Variants in CDRT15L2 observed in about 807,000 individuals in gnomAD.
CDRT15L2 encodes the protein CMT1A duplicated region transcript 15 protein-like protein.
Under a neutral mutation model 21.5 loss-of-function variants are expected in CDRT15L2, and 13 were observed. The observed-to-expected ratio is 0.60, with a 90% CI of 0.39 to 0.96. The LOEUF (loss-of-function observed/expected upper bound fraction) is 0.96. Among genes scored for constraint, CDRT15L2 ranks in the 40% least tolerant of loss-of-function variants. CDRT15L2 has a pLI of 0.00. For missense variants in CDRT15L2, 292 were observed against 354.8 expected, an observed-to-expected ratio of 0.82 and a Z score of 1.42; for synonymous variants, 121 against 144.9, an observed-to-expected ratio of 0.84 and a Z score of 1.18.
At position 20,580,389 on chromosome 17, in the gene CDRT15L2, C is replaced by T; in HGVS notation, c.506C>T (p.Ala169Val). ...GREGVTSTAP[A>V]SRSHAAPSPG... ...GAGGGGGTGACAAGCACAGCCCCAG[C>T]CAGCAGATCCCATGCTGCCCCTAGT... Residue 169 changes from alanine (A) to valine (V), a missense_variant, in exon 2 of 2, where the codon GCC becomes GTC. Physicochemically the swap from Ala to Val is moderately conservative, Grantham distance 64. Coordinates refer to ENST00000399044, the MANE Select transcript of CDRT15L2 (RefSeq NM_001190790.2). 6.6e-7 allele frequency: 1 copy of T among 1,514,848 alleles called. No homozygotes were observed. 93.8% of individuals were successfully genotyped at this position (1,514,848 alleles called of 1,614,324 possible).
At position 20,580,522 on chromosome 17, in the gene CDRT15L2, G is replaced by A. The variant is rs542420281; in HGVS notation, c.639G>A (p.Leu213=). The A allele has an allele frequency of 5.2e-5, 80 of 1,550,840 alleles. No homozygotes were observed. The African/African-American group carries it at 8.5e-4, about 16-fold the overall frequency. ...LLSFAGTTAL[L]LQGLFIVLIL... ...CATTCGCCGGAACCACAGCCCTGCT[G>A]CTGCAGGGCCTGTTTATTGTGCTAA... The change falls in exon 2 of 2, where the codon CTG becomes CTA. Residue 213 remains leucine (L), a synonymous_variant. Transcript: ENST00000399044.
At chr17:20,580,081 G>T (rs2142541682) in intron 1 of CDRT15L2, 68 bp from the exon 2 acceptor site, 2 of 1,477,098 alleles carry the variant, frequency 1.4e-6, no homozygotes, top group South Asian at 1.4e-5. Context: ...AATTCAGTGA[G>T]GTTGTCTCTG....
intron 1 of CDRT15L2, 31 bp downstream of exon 1, chr17:20,580,039 G>C: frequency 1.3e-6 from 2 of 1,505,458 alleles, no homozygotes; most frequent in Non-Finnish European, 1.8e-6. Flanking sequence ...AAGACTTTGC[G>C]GGGGCGGTGC....
Position 20,580,220 on chromosome 17 carries a change from C to G in CDRT15L2, c.337C>G (p.Pro113Ala), listed in dbSNP as rs2043284912. The G allele has an allele frequency of 2.7e-6, 4 of 1,471,074 alleles. No individual in the cohort carries two copies. Among genetic ancestry groups the G allele is most frequent in the Non-Finnish European group, 3.6e-6 (4 of 1,112,220 alleles). The allele number at this position is 1,471,074 out of a possible 1,614,324, so 91.1% of individuals were successfully genotyped here. ...CGAGCCAAAGCCAGCATGGGAAGAG[C>G]CCCCTCCAGAGAGAGCGCTGGAGGT... ...AVEPKPAWEE[P>A]PPERALEVEG... Residue 113 changes from proline to alanine, a missense_variant, in exon 2 of 2, where the codon CCC becomes GCC. Transcript: ENST00000399044.
At position 20,579,911 on chromosome 17, in the gene CDRT15L2, A is replaced by G. The variant is rs775751550; in HGVS notation, c.168A>G (p.Leu56=). The G allele has an allele frequency of 6.2e-7, 1 of 1,603,782 alleles. No individual in the cohort carries two copies. The change falls in exon 1 of 2, where the codon CTA becomes CTG. Residue 56 remains leucine, a synonymous_variant. Coordinates refer to ENST00000399044, the MANE Select transcript of CDRT15L2 (RefSeq NM_001190790.2). ...CACAGGACAGCCCGGGGCAGGCCCTAGCTGGCCAGGCCACACCAGAGATCC... is the reference window on the plus strand; with the variant it reads ...CACAGGACAGCCCGGGGCAGGCCCTGGCTGGCCAGGCCACACCAGAGATCC... ...QVPQDSPGQA[L]AGQATPEIPS... is the part of the protein sequence containing the mutation.
At position 20,580,130 on chromosome 17, in the gene CDRT15L2, A is replaced by G; in HGVS notation, c.266-19A>G. ...CAGTGGAAAGTGACTGATGCTGGTG[A>G]CCCTTTCTCCTTTTTCAGCTCCTGG... On this transcript the variant is annotated intron_variant, in intron 1 of 1. Coordinates refer to ENST00000399044, the MANE Select transcript of CDRT15L2 (RefSeq NM_001190790.2). 1 of 1,471,308 alleles carries G rather than the reference A, an allele frequency of 6.8e-7. No homozygotes were observed. Among genetic ancestry groups the G allele is most frequent in the Non-Finnish European group, 9.0e-7 (1 of 1,110,258 alleles). The allele number at this position is 1,471,308 out of a possible 1,614,324, so 91.1% of individuals were successfully genotyped here. A position where few individuals can be genotyped will look rare whatever the true frequency, so the allele number is the denominator to read the frequency against.
chr17:20,580,455 T>C lies in CDRT15L2; in HGVS notation c.572T>C (p.Ile191Thr). 1 of 1,550,092 alleles carries C rather than the reference T, an allele frequency of 6.5e-7. No homozygotes were observed. The highest frequency in any genetic ancestry group is 8.7e-7 in the Non-Finnish European group (1 of 1,146,720). Residue 191 changes from isoleucine (I) to threonine (T), a missense_variant, in exon 2 of 2, where the codon ATT becomes ACT. Physicochemically the swap from Ile to Thr is moderately conservative, Grantham distance 89. Transcript: ENST00000399044. ...AAACATGGAGGCGGAGACCAGGGCA[T>C]TCAGACTGGACTCCTGTACCTCGCT... ...GGKHGGGDQG[I>T]QTGLLYLAGE...
In CDRT15L2 at chr17:20,580,674, G is replaced by C. The variant is rs2043288482; in HGVS notation, c.791G>C (p.Cys264Ser). The C allele has an allele frequency of 6.4e-7, 1 of 1,560,410 alleles. No homozygotes were observed. Among genetic ancestry groups the C allele is most frequent in the African/African-American group, 1.4e-5 (1 of 73,822 alleles). Reference protein sequence around the residue: ...NLLLQAWKCVCNWASRLFAPN... With the variant: ...NLLLQAWKCVSNWASRLFAPN... ...CTCCTCCAGGCATGGAAGTGTGTCTGCAACTGGGCATCCAGGCTGTTTGCC... is the reference window on the plus strand; with the variant it reads ...CTCCTCCAGGCATGGAAGTGTGTCTCCAACTGGGCATCCAGGCTGTTTGCC... Residue 264 changes from cysteine (C) to serine (S), a missense_variant, in exon 2 of 2, where the codon TGC becomes TCC. Physicochemically the swap from Cys to Ser is moderately radical, Grantham distance 112 (BLOSUM62 -1). Coordinates refer to ENST00000399044, the MANE Select transcript of CDRT15L2 (RefSeq NM_001190790.2).
In CDRT15L2 at chr17:20,580,368, G is replaced by A; in HGVS notation, c.485G>A (p.Gly162Glu). 1.3e-6 allele frequency: 2 copies of A among 1,488,196 alleles called. No homozygotes were observed. Among genetic ancestry groups the A allele is most frequent in the South Asian group, 2.6e-5 (2 of 75,582 alleles). 92.2% of individuals were successfully genotyped at this position (1,488,196 alleles called of 1,614,324 possible). Reference sequence around the variant, plus strand: ...GCTGGAGAGAGAAGTGGGAGGGAGGGGGTGACAAGCACAGCCCCAGCCAGC... The same window carrying A: ...GCTGGAGAGAGAAGTGGGAGGGAGGAGGTGACAAGCACAGCCCCAGCCAGC... ...NVAGERSGRE[G>E]VTSTAPASRS... Residue 162 changes from glycine (G) to glutamate (E), a missense_variant, in exon 2 of 2, where the codon GGG (glycine) becomes GAG (glutamate). Physicochemically the swap from Gly to Glu is moderately conservative, Grantham distance 98. Transcript: ENST00000399044.
Position 20,580,665 on chromosome 17 carries a change from A to G in CDRT15L2, c.782A>G (p.Lys261Arg), listed in dbSNP as rs397834842. 1 of 1,558,952 alleles carries G rather than the reference A, an allele frequency of 6.4e-7. No individual in the cohort carries two copies. Among genetic ancestry groups the G allele is most frequent in the Non-Finnish European group, 8.7e-7 (1 of 1,150,454 alleles). Reference protein sequence around the residue: ...LRRNLLLQAWKCVCNWASRLF... With the variant: ...LRRNLLLQAWRCVCNWASRLF... ...CGCAATCTTCTCCTCCAGGCATGGA[A>G]GTGTGTCTGCAACTGGGCATCCAGG... Residue 261 changes from lysine to arginine, a missense_variant, in exon 2 of 2, where the codon AAG becomes AGG. By Grantham distance (26) the Lys-to-Arg change is conservative (BLOSUM62 2). Coordinates refer to ENST00000399044, the MANE Select transcript of CDRT15L2 (RefSeq NM_001190790.2).
chr17:20,580,640 CGCAATCTTCTCCTCCAG>C lies in CDRT15L2; in HGVS notation c.761_777del (p.Asn254MetfsTer15). ...TCCAGCAGCTCCTCCTGCTCTCAGACGCAATCTTCTCCTCCAGGCATGGAAGTGTGTCTGCAACTGGG... is the reference window on the plus strand; with the variant it reads ...TCCAGCAGCTCCTCCTGCTCTCAGACGCATGGAAGTGTGTCTGCAACTGGG... On this transcript the variant is annotated frameshift_variant, in exon 2 of 2. Coordinates refer to ENST00000399044, the MANE Select transcript of CDRT15L2 (RefSeq NM_001190790.2). LOFTEE classifies it high-confidence loss of function. The C allele has an allele frequency of 6.4e-7, 1 of 1,552,980 alleles. No homozygotes were observed. Among genetic ancestry groups the C allele is most frequent in the South Asian group, 1.2e-5 (1 of 84,124 alleles).
Position 20,580,864 on chromosome 17 carries a change from A to C in CDRT15L2, c.*135A>C. ...AGCATTTATTAATAGTGTTAGAATT[A>C]CAAGTTTATGAAATGAAATATAAAT... On this transcript the variant is annotated 3_prime_UTR_variant, in exon 2 of 2. Coordinates refer to ENST00000399044, the MANE Select transcript of CDRT15L2 (RefSeq NM_001190790.2). The C allele has an allele frequency of 1.7e-6, 1 of 579,598 alleles. No homozygotes were observed. The highest frequency in any genetic ancestry group is 3.0e-6 in the Non-Finnish European group (1 of 328,034). 35.9% of individuals were successfully genotyped at this position (579,598 alleles called of 1,614,324 possible).
At position 20,580,250 on chromosome 17, in the gene CDRT15L2, G is replaced by C. The variant is rs1343240754; in HGVS notation, c.367G>C (p.Gly123Arg). ...PPPERALEVE[G>R]APAKDQPSQE... Reference sequence around the variant, plus strand: ...TCCAGAGAGAGCGCTGGAGGTGGAGGGAGCTCCAGCCAAGGACCAGCCCAG... The same window carrying C: ...TCCAGAGAGAGCGCTGGAGGTGGAGCGAGCTCCAGCCAAGGACCAGCCCAG... Residue 123 changes from glycine to arginine, a missense_variant, in exon 2 of 2, where the codon GGA becomes CGA. Coordinates refer to ENST00000399044, the MANE Select transcript of CDRT15L2 (RefSeq NM_001190790.2). 4.1e-6 allele frequency: 6 copies of C among 1,474,448 alleles called. No homozygotes were observed. The highest frequency in any genetic ancestry group is 5.4e-6 in the Non-Finnish European group (6 of 1,111,640). The allele number at this position is 1,474,448 out of a possible 1,614,324, so 91.3% of individuals were successfully genotyped here. A position where few individuals can be genotyped will look rare whatever the true frequency, so the allele number is the denominator to read the frequency against.
chr17:20,580,107 G>C, intron 1 of CDRT15L2, 42 bp from the exon 2 acceptor site: 1 of 1,471,558 alleles, frequency 6.8e-7, no homozygotes, highest in Non-Finnish European at 9.0e-7. Flanking sequence ...GGAAATTCCA[G>C]TGGAAAGTGA....
At position 20,580,163 on chromosome 17, in the gene CDRT15L2, G is replaced by T. The variant is rs114609020; in HGVS notation, c.280G>T (p.Ala94Ser). Residue 94 changes from alanine to serine, a missense_variant, in exon 2 of 2, where the codon GCA (alanine) becomes TCA (serine). By Grantham distance (99) the Ala-to-Ser change is moderately conservative (BLOSUM62 1). Transcript: ENST00000399044. ...EAQTHAPGPY[A>S]DIAALAAPAV... is the part of the protein sequence containing the mutation. ...TCCTTTTTCAGCTCCTGGTCCGTAC[G>T]CAGACATAGCAGCACTTGCGGCACC... 6.7e-6 allele frequency: 10 copies of T among 1,487,376 alleles called. No homozygotes were observed. The South Asian group carries it at 1.2e-4, about 18-fold the overall frequency. 92.1% of individuals were successfully genotyped at this position (1,487,376 alleles called of 1,614,324 possible).
Position 20,580,701 on chromosome 17 carries a change from C to G in CDRT15L2, c.818C>G (p.Pro273Arg). The change falls in exon 2 of 2, where the codon CCT becomes CGT. Residue 273 changes from proline to arginine, a missense_variant. Coordinates refer to ENST00000399044, the MANE Select transcript of CDRT15L2 (RefSeq NM_001190790.2). ...AACTGGGCATCCAGGCTGTTTGCCC[C>G]TAATGTGCTGCCCCGAACGGGCTCT... ...VCNWASRLFA[P>R]NVLPRTGS 1 of 1,566,086 alleles carries G rather than the reference C, an allele frequency of 6.4e-7. No homozygotes were observed. The highest frequency in any genetic ancestry group is 1.9e-5 in the Admixed American group (1 of 52,490).
At position 20,579,949 on chromosome 17, in the gene CDRT15L2, C is replaced by T. The variant is rs764937696; in HGVS notation, c.206C>T (p.Pro69Leu). Residue 69 changes from proline to leucine, a missense_variant, in exon 1 of 2, where the codon CCT becomes CTT. Transcript: ENST00000399044. ...ACACCAGAGATCCCATCGGGGCTGC[C>T]TCTGCACATTGTCCTTGTCCAGGAG... ...QATPEIPSGL[P>L]LHIVLVQEEI... The T allele has an allele frequency of 6.3e-7, 1 of 1,584,350 alleles. No homozygotes were observed. Among genetic ancestry groups the T allele is most frequent in the Non-Finnish European group, 8.6e-7 (1 of 1,164,672 alleles).
At position 20,579,749 on chromosome 17, in the gene CDRT15L2, C is replaced by T; in HGVS notation, c.6C>T (p.Phe2=). Reference sequence around the variant, plus strand: ...GAGACGCTCAAGAGAGCAAGATGTTCTCCTGTTGCTTCCCCACTTCGAGAG... The same window carrying T: ...GAGACGCTCAAGAGAGCAAGATGTTTTCCTGTTGCTTCCCCACTTCGAGAG... The part of the protein sequence containing the change: M[F]SCCFPTSRGC... The change falls in exon 1 of 2, where the codon TTC becomes TTT. Residue 2 remains phenylalanine, a synonymous_variant. Transcript: ENST00000399044. The T allele has an allele frequency of 1.2e-6, 2 of 1,602,934 alleles. No individual in the cohort carries two copies. The highest frequency in any genetic ancestry group is 2.2e-5 in the East Asian group (1 of 44,842).
chr17:20,580,098 G>C lies in CDRT15L2; in HGVS notation c.266-51G>C, dbSNP rs369010235. On this transcript the variant is annotated intron_variant, in intron 1 of 1. Coordinates refer to ENST00000399044, the MANE Select transcript of CDRT15L2 (RefSeq NM_001190790.2). Reference sequence around the variant, plus strand: ...TTCAGTGAGGTTGTCTCTGTGTTTGGAAATTCCAGTGGAAAGTGACTGATG... The same window carrying C: ...TTCAGTGAGGTTGTCTCTGTGTTTGCAAATTCCAGTGGAAAGTGACTGATG... 5 of 1,471,580 alleles carry C rather than the reference G, an allele frequency of 3.4e-6. No homozygotes were observed. The East Asian group carries it at 7.4e-5, about 22-fold the overall frequency. The allele number at this position is 1,471,580 out of a possible 1,614,324, so 91.2% of individuals were successfully genotyped here. A position where few individuals can be genotyped will look rare whatever the true frequency, so the allele number is the denominator to read the frequency against.
Sources: allele counts gnomAD v4.1 joint callset, GRCh38; gene constraint gnomAD v4.1.1; transcripts MANE v1.5; gene names NCBI Gene and HGNC (gene_info 2026-07-23, HGNC 2026-07-21).